Variants in PTPRD observed in about 807,000 individuals in gnomAD.
The protein encoded by PTPRD is receptor-type tyrosine-protein phosphatase delta.
In PTPRD, 34 loss-of-function variants were observed where a neutral mutation model predicts 214.5. The ratio of observed to expected loss-of-function variants is 0.16; its 90% CI spans 0.12 to 0.21. PTPRD has a LOEUF of 0.21. Among genes scored for constraint, PTPRD ranks in the 10% least tolerant of loss-of-function variants. The probability of loss-of-function intolerance (pLI) is 1.00; values close to 1 mark genes in which losing one functional copy is unlikely to be tolerated. For synonymous variants in PTPRD, 1,128 were observed against 845.7 expected, an observed-to-expected ratio of 1.33 and a Z score of -5.79; for missense variants, 2,545 against 2,398.7, an observed-to-expected ratio of 1.06 and a Z score of -1.27.
At chr9:8,698,832 A>G (rs2097997151) in intron 12 of PTPRD, among the ~76,000 whole-genome samples, 1 of 152,102 alleles carries the variant, frequency 6.6e-6, no homozygotes, top group Non-Finnish European at 1.5e-5. Context: ...GTTTTTCCTG[A>G]TTTTTACTGT....
chr9:9,491,664 A>T (rs547553371), intron 8 of PTPRD, among the ~76,000 whole-genome samples: 136 of 152,180 alleles, frequency 8.9e-4, no homozygotes, highest in African/African-American at 3.0e-3. Context: ...TATTTTTGGA[A>T]AATAACACAC....
intron 4 of PTPRD, among the ~76,000 whole-genome samples, chr9:9,953,859 G>C (rs560839932): frequency 6.6e-6 from 1 of 152,116 alleles, no homozygotes; most frequent in Non-Finnish European, 1.5e-5. Flanking sequence ...AGAAGAAATT[G>C]TTTGGCATAC....
intron 2 of PTPRD, among the ~76,000 whole-genome samples, chr9:10,364,203 G>A (rs1337895431): frequency 7.3e-5 from 11 of 151,456 alleles, no homozygotes; most frequent in African/African-American, 1.9e-4. Context: ...GGGTTTCACC[G>A]CGTTAGCCAG....
At chr9:8,491,437 C>T (rs918984958) in intron 27 of PTPRD, among the ~76,000 whole-genome samples, 1 of 152,052 alleles carries the variant, frequency 6.6e-6, no homozygotes, top group African/African-American at 2.4e-5. Flanking sequence ...TAATGGGCAA[C>T]AGGGGAGTGG....
chr9:8,373,210 T>C (rs945653616), intron 39 of PTPRD, among the ~76,000 whole-genome samples: 1 of 151,960 alleles, frequency 6.6e-6, no homozygotes, highest in Admixed American at 6.6e-5. Context: ...ATCTGCTGCT[T>C]TGTCACAAAA....
chr9:8,725,955 C>T (rs1342179395), intron 12 of PTPRD, among the ~76,000 whole-genome samples: 1 of 151,878 alleles, frequency 6.6e-6, no homozygotes, highest in African/African-American at 2.4e-5. Context: ...TGTAGGCCCA[C>T]ACTGTTTAAA....
intron 11 of PTPRD, among the ~76,000 whole-genome samples, chr9:8,941,266 C>A (rs542467988): frequency 2.1e-3 from 314 of 152,278 alleles, no homozygotes; most frequent in South Asian, 3.7e-3. Flanking sequence ...CTTACTAAAA[C>A]ACTAAAGTAA....
intron 2 of PTPRD, among the ~76,000 whole-genome samples, chr9:10,393,575 AAG>A (rs1435793340): frequency 5.3e-5 from 8 of 150,874 alleles, no homozygotes; most frequent in Non-Finnish European, 1.0e-4. Flanking sequence ...AGGATTGCTT[AAG>A]ACCAGGAGTT....
At chr9:8,661,830 A>C (rs2097061010) in intron 12 of PTPRD, among the ~76,000 whole-genome samples, 1 of 152,218 alleles carries the variant, frequency 6.6e-6, no homozygotes, top group East Asian at 1.9e-4. Flanking sequence ...CCTCCTGGTT[A>C]ATTCTAAAAC....
intron 12 of PTPRD, among the ~76,000 whole-genome samples, chr9:8,704,758 CAA>C (rs569357894): frequency 7.3e-6 from 1 of 137,856 alleles, no homozygotes. Flanking sequence ...ACTAAAAATA[CAA>C]AAAAAAAAAA....
intron 21 of PTPRD, 82 bp from the exon 22 acceptor site, chr9:8,507,516 A>G: frequency 4.5e-6 from 7 of 1,548,396 alleles, no homozygotes; most frequent in Non-Finnish European, 6.2e-6. Context: ...ACCTGCTTAA[A>G]CCTTTCGAAA....
chr9:10,053,323 T>C (rs1210831628), intron 3 of PTPRD, among the ~76,000 whole-genome samples: 1 of 152,200 alleles, frequency 6.6e-6, no homozygotes, highest in Non-Finnish European at 1.5e-5. Flanking sequence ...TGCAATCATA[T>C]TCTCTTTTGT....
chr9:9,782,519 C>T (rs2098859073), intron 5 of PTPRD, among the ~76,000 whole-genome samples: 1 of 152,150 alleles, frequency 6.6e-6, no homozygotes, highest in East Asian at 1.9e-4. Context: ...AAACATTTAA[C>T]AGATGAGGAA....
At chr9:8,710,408 G>C (rs1201218889) in intron 12 of PTPRD, among the ~76,000 whole-genome samples, 1 of 152,152 alleles carries the variant, frequency 6.6e-6, no homozygotes, top group East Asian at 1.9e-4. Context: ...TTGAGCCCAT[G>C]AGTTTGAGAC....
chr9:8,833,726 A>T (rs1362726619), intron 11 of PTPRD, among the ~76,000 whole-genome samples: 1 of 150,282 alleles, frequency 6.7e-6, no homozygotes, highest in Non-Finnish European at 1.5e-5. Flanking sequence ...ACACACACAC[A>T]CACACACACA....
intron 5 of PTPRD, among the ~76,000 whole-genome samples, chr9:9,827,543 C>A (rs1190244664): frequency 6.6e-6 from 1 of 152,148 alleles, no homozygotes; most frequent in African/African-American, 2.4e-5. Context: ...AGACCTAAAA[C>A]CGTAAAAACC....
chr9:8,591,714 G>A (rs939173933), intron 14 of PTPRD, among the ~76,000 whole-genome samples: 1 of 152,110 alleles, frequency 6.6e-6, no homozygotes, highest in Non-Finnish European at 1.5e-5. Context: ...GCCATTCCAT[G>A]AGCCTAGAGA....
intron 11 of PTPRD, among the ~76,000 whole-genome samples, chr9:8,745,669 T>C (rs2092712843): frequency 6.6e-6 from 1 of 152,198 alleles, no homozygotes; most frequent in African/African-American, 2.4e-5. Flanking sequence ...TAACCAGTAA[T>C]AGATTTTCTA....
chr9:9,583,869 C>G (rs2091375405), intron 7 of PTPRD, among the ~76,000 whole-genome samples: 1 of 151,996 alleles, frequency 6.6e-6, no homozygotes, highest in African/African-American at 2.4e-5. Flanking sequence ...CATTTGGGTG[C>G]CACTTGTCCC....
Sources: gnomAD v4.1 joint callset for allele counts (sites outside exome capture counted in the v4.1 genomes callset) on GRCh38, gnomAD v4.1.1 for gene constraint, MANE v1.5 for transcripts, NCBI Gene and HGNC (gene_info 2026-07-23, HGNC 2026-07-21) for gene names.